MAP3K2: variants seen among roughly 807,000 people sequenced by gnomAD.
MAP3K2 encodes the protein MAP/ERK kinase kinase 2.
Under a neutral mutation model 80.3 loss-of-function variants are expected in MAP3K2, and 24 were observed. The ratio of observed to expected loss-of-function variants is 0.30; its 90% CI spans 0.22 to 0.42. The LOEUF is 0.42. Ranked by LOEUF, MAP3K2 falls within the 10% of genes least tolerant of loss-of-function variation. The probability of loss-of-function intolerance (pLI) is 1.00; values close to 1 mark genes in which losing one functional copy is unlikely to be tolerated. For missense variants in MAP3K2, 608 were observed against 750.1 expected (o/e 0.81, Z 2.21); for synonymous variants, 244 against 253.7 (o/e 0.96, Z 0.36).
At position 127,322,273 on chromosome 2, in the gene MAP3K2, G is replaced by C; in HGVS notation, c.839-21C>G. 1 of 1,458,694 alleles carries C rather than the reference G, an allele frequency of 6.9e-7. No individual in the cohort carries two copies. The highest frequency in any genetic ancestry group is 9.6e-7 in the Non-Finnish European group (1 of 1,041,600). The allele number at this position is 1,458,694 out of a possible 1,614,324, so 90.4% of individuals were successfully genotyped here. A position where few individuals can be genotyped will look rare whatever the true frequency, so the allele number is the denominator to read the frequency against. ...ACGACCTAAAAAATGAAAAGAGAAT[G>C]ACCTTATACCTTTTATTAATATGTT... is the stretch of plus-strand genomic sequence containing the variant. On this transcript the variant is annotated intron_variant, in intron 11 of 16. Transcript: ENST00000682094. This position sits in a 1 kb window ranked among gnomAD's most constrained non-coding sequence, Gnocchi z 4.2.
intron 1 of MAP3K2, among the ~76,000 whole-genome samples, chr2:127,347,940 C>G (rs978944634): frequency 5.3e-5 from 8 of 152,036 alleles, no homozygotes; most frequent in South Asian, 2.1e-4. Context: ...GAAATATGAG[C>G]CACTGTTTCC....
chr2:127,341,771 A>G (rs542730026), intron 2 of MAP3K2, among the ~76,000 whole-genome samples: 4 of 151,762 alleles, frequency 2.6e-5, no homozygotes, highest in African/African-American at 4.8e-5. Context: ...TGACCTCGTG[A>G]TCCACCCGAC....
intron 13 of MAP3K2, 39 bp from the exon 14 acceptor site, chr2:127,317,799 C>T: frequency 1.9e-6 from 3 of 1,557,360 alleles, no homozygotes; most frequent in African/African-American, 2.7e-5. Context: ...TCAACAATGT[C>T]AGTAAAAGCA....
Position 127,302,161 on chromosome 2 carries a change from T to A in MAP3K2, c.*5418A>T, listed in dbSNP as rs1573972287. 1 of 152,184 alleles carries A rather than the reference T, an allele frequency of 6.6e-6. No homozygotes were observed. The highest frequency in any genetic ancestry group is 1.9e-4 in the East Asian group (1 of 5,202). 9.4% of individuals were successfully genotyped at this position (152,184 alleles called of 1,614,324 possible). A position where few individuals can be genotyped will look rare whatever the true frequency, so the allele number is the denominator to read the frequency against. On this transcript the variant is annotated 3_prime_UTR_variant, in exon 17 of 17. Coordinates refer to ENST00000682094, the MANE Select transcript of MAP3K2 (RefSeq NM_001371910.2). The stretch of plus-strand genomic sequence containing the variant: ...TATGTAAAATCAATTACTTTCTATT[T>A]AAGAATTATATATAAGATTATTTTA...
chr2:127,310,293 G>C lies in MAP3K2; in HGVS notation c.1457-1531C>G, dbSNP rs1685785379. 6.6e-6 allele frequency among the ~76,000 whole-genome samples: 1 copy of C among 151,898 alleles called. No homozygotes were observed. The highest frequency in any genetic ancestry group is 2.4e-5 in the African/African-American group (1 of 41,326). ...CTCATCTTGTATATTTCCTGCACCA[G>C]TGCTAGAATCAGCCATTTCTCAAGG... On this transcript the variant is annotated intron_variant, in intron 15 of 16. Coordinates refer to ENST00000682094, the MANE Select transcript of MAP3K2 (RefSeq NM_001371910.2). The surrounding 1 kb of genome is among the most constrained non-coding windows in gnomAD (Gnocchi z 4.8).
chr2:127,338,813 AAC>A (rs1448246981), intron 3 of MAP3K2, 117 bp downstream of exon 3: 6 of 683,310 alleles, frequency 8.8e-6, no homozygotes, highest in Non-Finnish European at 1.5e-5. Flanking sequence ...ATGTGTAACA[AAC>A]ACTAACAAAA....
intron 1 of MAP3K2, among the ~76,000 whole-genome samples, chr2:127,377,106 A>G (rs775267509): frequency 5.3e-4 from 81 of 152,072 alleles, no homozygotes; most frequent in Non-Finnish European, 1.1e-3. Context: ...TGTTCACTCT[A>G]TTCATTTTAA....
chr2:127,339,174 G>T lies in MAP3K2; in HGVS notation c.5-124C>A. The T allele has an allele frequency of 1.6e-6, 1 of 612,124 alleles. No homozygotes were observed. The highest frequency in any genetic ancestry group is 2.4e-5 in the South Asian group (1 of 42,088). The allele number at this position is 612,124 out of a possible 1,614,324, so 37.9% of individuals were successfully genotyped here. On this transcript the variant is annotated intron_variant, in intron 2 of 16. Coordinates refer to ENST00000682094, the MANE Select transcript of MAP3K2 (RefSeq NM_001371910.2). This position sits in a 1 kb window ranked among gnomAD's most constrained non-coding sequence, Gnocchi z 4.2. ...GTAGAGAATGTATTAATGCAAAAATGCATCTAGAACATTTTTAATGCCTAC... is the reference window on the plus strand; with the variant it reads ...GTAGAGAATGTATTAATGCAAAAATTCATCTAGAACATTTTTAATGCCTAC...
At chr2:127,353,313 C>T (rs1487561353) in intron 1 of MAP3K2, among the ~76,000 whole-genome samples, 2 of 152,076 alleles carry the variant, frequency 1.3e-5, no homozygotes, top group South Asian at 2.1e-4. Context: ...GCCCCGCCGC[C>T]CCGTCTGGGA....
rs183602338 is a variant in MAP3K2, at chr2:127,370,385, T to G, written c.-66+17067A>C. 2.4e-4 allele frequency among the ~76,000 whole-genome samples: 37 copies of G among 152,252 alleles called. No individual in the cohort carries two copies. In the East Asian group the frequency reaches 6.6e-3, roughly 27 times the overall value. On this transcript the variant is annotated intron_variant, in intron 1 of 16. Coordinates refer to ENST00000682094, the MANE Select transcript of MAP3K2 (RefSeq NM_001371910.2). ...GTCGGACCCGGAAGGTAGAGCCCTG[T>G]GTGAGGAATGCTGCAACAGATCACA...
rs1055750113 is a variant in MAP3K2 at position 127,326,262 on chromosome 2, T to C, written c.597+425A>G. ...GAACATATAATGCGATGCAATGCAA[T>C]GTTAAGGGAATAACAGCAACTCCAT... is the stretch of plus-strand genomic sequence containing the variant. On this transcript the variant is annotated intron_variant, in intron 8 of 16. Coordinates refer to ENST00000682094, the MANE Select transcript of MAP3K2 (RefSeq NM_001371910.2). Among the ~76,000 whole-genome samples the C allele has an allele frequency of 1.3e-4, 9 of 68,282 alleles. No homozygotes were observed. The Admixed American group carries it at 1.9e-3, about 14-fold the overall frequency. The allele number at this position is 68,282 out of a possible 152,430, so 44.8% of individuals were successfully genotyped here.
intron 7 of MAP3K2, among the ~76,000 whole-genome samples, chr2:127,328,075 G>C (rs1037846228): frequency 6.6e-6 from 1 of 152,198 alleles, no homozygotes; most frequent in Admixed American, 6.5e-5. Flanking sequence ...AGGAGTTCGA[G>C]ACCAATCTGG....
chr2:127,368,075 A>T (rs1326822045), intron 1 of MAP3K2, among the ~76,000 whole-genome samples: 1 of 152,036 alleles, frequency 6.6e-6, no homozygotes, highest in Non-Finnish European at 1.5e-5. Context: ...TAATCCCAGC[A>T]CTCTGGGAGG....
At chr2:127,373,884 C>T (rs1687107188) in intron 1 of MAP3K2, among the ~76,000 whole-genome samples, 1 of 152,194 alleles carries the variant, frequency 6.6e-6, no homozygotes, top group Non-Finnish European at 1.5e-5. Context: ...AGCAGTATTA[C>T]CCTTATCTAT....
chr2:127,319,243 A>G (rs1169082097), intron 12 of MAP3K2, among the ~76,000 whole-genome samples: 1 of 151,850 alleles, frequency 6.6e-6, no homozygotes, highest in African/African-American at 2.4e-5. Flanking sequence ...AAGAAAAAAA[A>G]AAAAAAAAAA....
At chr2:127,345,633 C>T (rs1335933793) in intron 1 of MAP3K2, among the ~76,000 whole-genome samples, 1 of 152,084 alleles carries the variant, frequency 6.6e-6, no homozygotes, top group Admixed American at 6.5e-5. Context: ...GGTAATAAAA[C>T]AAATCTCAGT....
intron 5 of MAP3K2, among the ~76,000 whole-genome samples, chr2:127,334,260 C>T (rs1216375115): frequency 1.3e-5 from 2 of 151,744 alleles, no homozygotes; most frequent in Non-Finnish European, 2.9e-5. Flanking sequence ...TCATGCTAAC[C>T]TCATTTTTCT....
intron 1 of MAP3K2, among the ~76,000 whole-genome samples, chr2:127,352,730 G>A (rs1223046241): frequency 4.3e-5 from 6 of 140,366 alleles, no homozygotes; most frequent in East Asian, 2.5e-4. Context: ...CTCTTTCCAC[G>A]GTCTCCCTCT....
chr2:127,373,238 T>C (rs1687095829), intron 1 of MAP3K2, among the ~76,000 whole-genome samples: 1 of 152,234 alleles, frequency 6.6e-6, no homozygotes, highest in Admixed American at 6.5e-5. Flanking sequence ...GATATTTTAC[T>C]AGCAGCCCCA....
Sources: allele counts gnomAD v4.1 joint callset (sites outside exome capture counted in the v4.1 genomes callset), GRCh38; gene constraint gnomAD v4.1.1; non-coding constraint Gnocchi (gnomAD v3.1); transcripts MANE v1.5; gene names NCBI Gene and HGNC (gene_info 2026-07-23, HGNC 2026-07-21).